ARL8B: variants seen among roughly 807,000 people sequenced by gnomAD.
The protein encoded by ARL8B is ARF like GTPase 8B.
ARL8B carries 9 observed loss-of-function variants against 30.6 expected under a neutral mutation model. That is an observed-to-expected ratio of 0.29 (90% CI 0.18 to 0.51). The LOEUF (loss-of-function observed/expected upper bound fraction) is 0.51. Ranked by LOEUF, ARL8B falls within the 20% of genes least tolerant of loss-of-function variation. ARL8B has a pLI of 0.97. For synonymous variants in ARL8B, 74 were observed against 76.0 expected, an observed-to-expected ratio of 0.97 and a Z score of 0.14; for missense variants, 130 against 227.2, an observed-to-expected ratio of 0.57 and a Z score of 2.75.
chr3:5,142,869 A>G (rs971247896), intron 1 of ARL8B, among the ~76,000 whole-genome samples: 5 of 152,180 alleles, frequency 3.3e-5, no homozygotes, highest in African/African-American at 1.2e-4. Flanking sequence ...GCTAATGGCA[A>G]TGAGTATAGG....
At chr3:5,131,858 C>T (rs1431456436) in intron 1 of ARL8B, among the ~76,000 whole-genome samples, 1 of 151,828 alleles carries the variant, frequency 6.6e-6, no homozygotes, top group African/African-American at 2.4e-5. Flanking sequence ...AATGATTTGA[C>T]TAGTTTTATC....
intron 1 of ARL8B, among the ~76,000 whole-genome samples, chr3:5,166,669 CATT>C (rs2054627566): frequency 1.3e-5 from 2 of 152,138 alleles, no homozygotes; most frequent in African/African-American, 4.8e-5. Context: ...AGTGTCCTTT[CATT>C]ACTGGAGGTT....
intron 1 of ARL8B, among the ~76,000 whole-genome samples, chr3:5,137,534 GTTCAAGCAA>G (rs2054338535): frequency 5.3e-5 from 8 of 151,062 alleles, no homozygotes; most frequent in South Asian, 4.2e-4. Context: ...TGCTTCCTGG[GTTCAAGCAA>G]TTCTCCTGCC....
At chr3:5,131,564 T>A (rs2106554227) in intron 1 of ARL8B, among the ~76,000 whole-genome samples, 1 of 152,142 alleles carries the variant, frequency 6.6e-6, no homozygotes, top group South Asian at 2.1e-4. Flanking sequence ...ATAATTTTTG[T>A]ATTTTTAGTA....
At chr3:5,127,907 G>C (rs1167112875) in intron 1 of ARL8B, among the ~76,000 whole-genome samples, 2 of 140,432 alleles carry the variant, frequency 1.4e-5, no homozygotes, top group African/African-American at 5.3e-5. Flanking sequence ...AAAAAGCGGA[G>C]GGCCAGGCGC....
chr3:5,147,213 C>G (rs1466614362), intron 1 of ARL8B, among the ~76,000 whole-genome samples: 2 of 152,112 alleles, frequency 1.3e-5, no homozygotes, highest in African/African-American at 2.4e-5. Flanking sequence ...TGTTCCCCAC[C>G]CTGTGTCCAG....
Position 5,128,061 on chromosome 3 carries a change from G to T in ARL8B, c.123+5473G>T, listed in dbSNP as rs761450503. 5.3e-5 allele frequency among the ~76,000 whole-genome samples: 8 copies of T among 150,398 alleles called. 1 individual carries two copies. The highest frequency in any genetic ancestry group is 6.7e-5 in the Admixed American group (1 of 14,986). On this transcript the variant is annotated intron_variant, in intron 1 of 6. Coordinates refer to ENST00000256496, the MANE Select transcript of ARL8B (RefSeq NM_018184.3). ...AAATTAGCCTGGCGTTACTCAGGAG[G>T]CTGAGGCAGGAGAATTGCTTGAACC... is the stretch of plus-strand genomic sequence containing the variant.
intron 6 of ARL8B, among the ~76,000 whole-genome samples, chr3:5,174,777 CATAA>C (rs1014557125): frequency 2.1e-5 from 3 of 139,916 alleles, no homozygotes; most frequent in South Asian, 2.2e-4. Flanking sequence ...TTATATATAA[CATAA>C]ATATATATAT....
intron 1 of ARL8B, among the ~76,000 whole-genome samples, chr3:5,139,958 T>C (rs2054357654): frequency 6.6e-6 from 1 of 151,980 alleles, no homozygotes; most frequent in Non-Finnish European, 1.5e-5. Flanking sequence ...TCAGGATAGC[T>C]TCTCACTACA....
chr3:5,132,519 G>C (rs188409434), intron 1 of ARL8B, among the ~76,000 whole-genome samples: 1 of 152,130 alleles, frequency 6.6e-6, no homozygotes, highest in African/African-American at 2.4e-5. Flanking sequence ...GATTACAGGC[G>C]TGAGCCACTG....
chr3:5,169,274 T>C (rs1015060918), intron 1 of ARL8B, among the ~76,000 whole-genome samples: 1 of 151,746 alleles, frequency 6.6e-6, no homozygotes, highest in African/African-American at 2.4e-5. Context: ...ATTTGACTAT[T>C]TTAGGTACCT....
intron 1 of ARL8B, 35 bp downstream of exon 1, chr3:5,122,623 G>C (rs1373132398): frequency 1.3e-6 from 2 of 1,573,862 alleles, no homozygotes; most frequent in Non-Finnish European, 1.7e-6. Context: ...CCGGGGCTCC[G>C]CAGCCAGGAG....
intron 1 of ARL8B, among the ~76,000 whole-genome samples, chr3:5,159,500 G>C (rs1168591458): frequency 6.6e-6 from 1 of 150,688 alleles, no homozygotes; most frequent in Non-Finnish European, 1.5e-5. Flanking sequence ...TACTTGGGAG[G>C]CTGAGGCAGG....
chr3:5,137,437 CTTT>C (rs368417212), intron 1 of ARL8B, among the ~76,000 whole-genome samples: 17,878 of 132,520 alleles, frequency 0.13, 1,193 homozygotes, highest in East Asian at 0.27. Context: ...TTAATTTTCT[CTTT>C]TTTTTTTTTT....
chr3:5,148,443 C>T (rs1332900634), intron 1 of ARL8B, among the ~76,000 whole-genome samples: 6 of 152,254 alleles, frequency 3.9e-5, no homozygotes, highest in African/African-American at 1.4e-4. Flanking sequence ...GTTTGGCTCT[C>T]CTGTGGTCTC....
chr3:5,160,803 T>G (rs183027004), intron 1 of ARL8B, among the ~76,000 whole-genome samples: 3 of 152,266 alleles, frequency 2.0e-5, no homozygotes, highest in African/African-American at 4.8e-5. Context: ...ATGTAATGAG[T>G]TTTTCACTGA....
Position 5,122,312 on chromosome 3 carries a change from T to G in ARL8B, c.-154T>G. 1 of 1,516,326 alleles carries G rather than the reference T, an allele frequency of 6.6e-7. No individual in the cohort carries two copies. The highest frequency in any genetic ancestry group is 8.8e-7 in the Non-Finnish European group (1 of 1,133,224). 93.9% of individuals were successfully genotyped at this position (1,516,326 alleles called of 1,614,324 possible). A position where few individuals can be genotyped will look rare whatever the true frequency, so the allele number is the denominator to read the frequency against. ...GAGTCATATGATCCGCTCGGCTTCC[T>G]GGGTCTGGCTGCTGCCGCCCGCCGG... On this transcript the variant is annotated 5_prime_UTR_variant, in exon 1 of 7. Transcript: ENST00000256496.
intron 1 of ARL8B, among the ~76,000 whole-genome samples, chr3:5,147,009 ACCT>A (rs1225140243): frequency 1.4e-5 from 2 of 140,934 alleles, no homozygotes; most frequent in African/African-American, 5.8e-5. Flanking sequence ...GAGGGGGATT[ACCT>A]TTTCTTCCTC....
At position 5,178,350 on chromosome 3, in the gene ARL8B, C is replaced by CTTT. The variant is rs376669879; in HGVS notation, c.512-295_512-293dup. ...CCTTGAGGGCAAACAGGGGTTATTC[C>CTTT]TTTTTTTTTTTTTTTTTTTTTGCCT... On this transcript the variant is annotated intron_variant, in intron 6 of 6. Coordinates refer to ENST00000256496, the MANE Select transcript of ARL8B (RefSeq NM_018184.3). 4.5e-3 allele frequency among the ~76,000 whole-genome samples: 513 copies of CTTT among 115,260 alleles called. 5 individuals carry two copies. Among genetic ancestry groups the CTTT allele is most frequent in the African/African-American group, 0.015 (455 of 30,664 alleles). 75.6% of individuals were successfully genotyped at this position (115,260 alleles called of 152,430 possible). A position where few individuals can be genotyped will look rare whatever the true frequency, so the allele number is the denominator to read the frequency against.
Sources: gnomAD v4.1 joint callset for allele counts (sites outside exome capture counted in the v4.1 genomes callset) on GRCh38, gnomAD v4.1.1 for gene constraint, MANE v1.5 for transcripts, NCBI Gene and HGNC (gene_info 2026-07-23, HGNC 2026-07-21) for gene names.